Variants in PLD1 observed in about 807,000 individuals in gnomAD.
PLD1 encodes the protein choline phosphatase 1.
A neutral mutation model predicts 137.1 loss-of-function variants in PLD1; 112 were observed. The ratio of observed to expected loss-of-function variants is 0.82; its 90% CI spans 0.70 to 0.96. The LOEUF (loss-of-function observed/expected upper bound fraction) is 0.96, where lower values mean the gene tolerates loss of function less well. PLD1 is among the 40% of genes least tolerant of loss of function. The pLI is 0.00. For missense variants in PLD1, 1,321 were observed against 1,342.0 expected (o/e 0.98, Z 0.24); for synonymous variants, 431 against 454.7 (o/e 0.95, Z 0.66).
At chr3:171,769,902 C>T (rs144392773) in intron 1 of PLD1, among the ~76,000 whole-genome samples, 25 of 152,240 alleles carry the variant, frequency 1.6e-4, no homozygotes, top group African/African-American at 5.8e-4. Flanking sequence ...ATATTTAAAA[C>T]ACTAGTACAT....
chr3:171,767,535 T>C (rs1722062096), intron 1 of PLD1, among the ~76,000 whole-genome samples: 1 of 152,194 alleles, frequency 6.6e-6, no homozygotes, highest in Non-Finnish European at 1.5e-5. Flanking sequence ...ATGTATTAGG[T>C]TGTATTTTTT....
rs377160988 is a variant in PLD1 at position 171,751,115 on chromosome 3, T to C, written c.-31-13033A>G. ...TGAGACTATTGGCAATTCAGAGAAA[T>C]ATAAAATAAAATTAGTTCTCTACCT... On this transcript the variant is annotated intron_variant, in intron 1 of 26. Coordinates refer to ENST00000351298, the MANE Select transcript of PLD1 (RefSeq NM_002662.5). Among the ~76,000 whole-genome samples, 191 of 152,188 alleles carry C rather than the reference T, an allele frequency of 1.3e-3. 1 individual carries two copies. Among genetic ancestry groups the C allele is most frequent in the African/African-American group, 4.5e-3 (188 of 41,536 alleles).
intron 9 of PLD1, among the ~76,000 whole-genome samples, chr3:171,712,599 C>A (rs78156266): frequency 0.018 from 2,733 of 152,174 alleles, 42 homozygotes; most frequent in Non-Finnish European, 0.026. Flanking sequence ...AAAATAAATG[C>A]CCTTCAAAAA....
chr3:171,735,859 A>T (rs985582306), intron 3 of PLD1, among the ~76,000 whole-genome samples: 1 of 152,218 alleles, frequency 6.6e-6, no homozygotes, highest in Admixed American at 6.5e-5. Flanking sequence ...TTTCAATCAC[A>T]CGAGACGATT....
intron 11 of PLD1, among the ~76,000 whole-genome samples, chr3:171,707,864 A>T (rs10513698): frequency 0.032 from 4,930 of 152,322 alleles, 140 homozygotes; most frequent in Admixed American, 0.082. Context: ...GATTCCAGAC[A>T]ACCGAAGCAA....
chr3:171,755,972 T>A (rs1720999927), intron 1 of PLD1, among the ~76,000 whole-genome samples: 1 of 152,244 alleles, frequency 6.6e-6, no homozygotes, highest in Admixed American at 6.5e-5. Flanking sequence ...TCTACCCAGC[T>A]GCATAAACCA....
At chr3:171,627,621 C>T (rs891315260) in intron 23 of PLD1, among the ~76,000 whole-genome samples, 3 of 152,120 alleles carry the variant, frequency 2.0e-5, no homozygotes, top group Non-Finnish European at 4.4e-5. Context: ...TAAAGCTCTC[C>T]TCAGCAAATG....
At chr3:171,751,909 A>C (rs944164548) in intron 1 of PLD1, among the ~76,000 whole-genome samples, 1 of 152,026 alleles carries the variant, frequency 6.6e-6, no homozygotes. Context: ...AAGCTGGGGC[A>C]GGAGAATGGT....
chr3:171,799,407 T>C (rs1356780012), intron 1 of PLD1, among the ~76,000 whole-genome samples: 1 of 151,004 alleles, frequency 6.6e-6, no homozygotes, highest in Non-Finnish European at 1.5e-5. Context: ...TAAAACTACT[T>C]TCTAAAGTGT....
intron 10 of PLD1, 142 bp downstream of exon 10, chr3:171,709,418 T>C: frequency 1.7e-6 from 1 of 601,384 alleles, no homozygotes; most frequent in Admixed American, 3.4e-5. Flanking sequence ...GGTAGTCCCA[T>C]AATTATCACA....
At chr3:171,615,071 ATAAAT>A (rs1408461113) in intron 24 of PLD1, among the ~76,000 whole-genome samples, 1 of 152,232 alleles carries the variant, frequency 6.6e-6, no homozygotes, top group African/African-American at 2.4e-5. Context: ...AGATGAATGA[ATAAAT>A]TAGATATAAT....
intron 1 of PLD1, among the ~76,000 whole-genome samples, chr3:171,808,102 T>C (rs1167697646): frequency 1.3e-5 from 2 of 151,880 alleles, no homozygotes; most frequent in Non-Finnish European, 2.9e-5. Context: ...AGAGCAAAAG[T>C]TAAAAAATTA....
intron 1 of PLD1, among the ~76,000 whole-genome samples, chr3:171,742,070 A>C (rs1050361850): frequency 6.6e-6 from 1 of 152,176 alleles, no homozygotes; most frequent in African/African-American, 2.4e-5. Flanking sequence ...AGCTTAGAGA[A>C]GGTAGAAACT....
At chr3:171,690,991 T>C (rs1221605955) in intron 13 of PLD1, among the ~76,000 whole-genome samples, 1 of 152,256 alleles carries the variant, frequency 6.6e-6, no homozygotes, top group African/African-American at 2.4e-5. Flanking sequence ...CGATTATCTG[T>C]TATTAGGTAC....
chr3:171,780,664 G>A (rs1456698788), intron 1 of PLD1, among the ~76,000 whole-genome samples: 1 of 152,194 alleles, frequency 6.6e-6, no homozygotes, highest in Non-Finnish European at 1.5e-5. Flanking sequence ...GCTGAGAGAT[G>A]AAGAAAGAGG....
At chr3:171,705,731 C>A (rs573501398) in intron 11 of PLD1, among the ~76,000 whole-genome samples, 2 of 152,276 alleles carry the variant, frequency 1.3e-5, no homozygotes, top group South Asian at 4.1e-4. Flanking sequence ...AGAATTGAAA[C>A]TCTCATACAT....
At chr3:171,670,637 T>A (rs1712647978) in intron 19 of PLD1, among the ~76,000 whole-genome samples, 1 of 152,240 alleles carries the variant, frequency 6.6e-6, no homozygotes, top group African/African-American at 2.4e-5. Flanking sequence ...TAAGAGTTCA[T>A]CAGTGATGTC....
At chr3:171,615,466 A>C (rs894934289) in intron 24 of PLD1, among the ~76,000 whole-genome samples, 15 of 152,190 alleles carry the variant, frequency 9.9e-5, no homozygotes, top group Admixed American at 9.8e-4. Flanking sequence ...GCCAAAAACA[A>C]TATTACCACA....
intron 1 of PLD1, among the ~76,000 whole-genome samples, chr3:171,761,057 A>C (rs1215490372): frequency 6.6e-6 from 1 of 152,232 alleles, no homozygotes. Context: ...AATAAGATAA[A>C]TGTATACATC....
Sources: allele counts gnomAD v4.1 joint callset (sites outside exome capture counted in the v4.1 genomes callset), GRCh38; gene constraint gnomAD v4.1.1; transcripts MANE v1.5; gene names NCBI Gene and HGNC (gene_info 2026-07-23, HGNC 2026-07-21).